Variants in YBEY observed in about 807,000 individuals in gnomAD.
YBEY encodes the protein endoribonuclease YbeY.
Under a neutral mutation model 13.5 loss-of-function variants are expected in YBEY, and 15 were observed. That is an observed-to-expected ratio of 1.11 (90% CI 0.75 to 1.72). The LOEUF is 1.72. Ranked by LOEUF, YBEY falls within the 40% of genes most tolerant of loss-of-function variation. The pLI is 0.00. For synonymous variants in YBEY, 101 were observed against 83.1 expected (o/e 1.21, Z -1.17); for missense variants, 244 against 208.4 (o/e 1.17, Z -1.05).
At chr21:46,292,758 G>A (rs1061068) in intron 3 of YBEY, among the ~76,000 whole-genome samples, 1 of 117,252 alleles carries the variant, frequency 8.5e-6, no homozygotes, top group African/African-American at 3.0e-5. Context: ...CCGTGCCCGG[G>A]ACTCAGTGGA....
At chr21:46,298,414 G>A (rs2082017534), downstream of YBEY, among the ~76,000 whole-genome samples, 1 of 142,598 alleles carries the variant, frequency 7.0e-6, no homozygotes, top group Admixed American at 7.4e-5. Flanking sequence ...AACAGAAAAT[G>A]GAGTCAGCTT....
Position 46,290,728 on chromosome 21 carries a change from A to G in YBEY, c.211-606A>G, listed in dbSNP as rs1234599818. Among the ~76,000 whole-genome samples, 4 of 150,362 alleles carry G rather than the reference A, an allele frequency of 2.7e-5. No individual in the cohort carries two copies. The South Asian group carries it at 8.4e-4, about 32-fold the overall frequency. On this transcript the variant is annotated intron_variant, in intron 2 of 4. Coordinates refer to ENST00000397701, the MANE Select transcript of YBEY (RefSeq NM_001314025.2). ...GTTCGAGACCAGCCTGACCCATATG[A>G]TGAAACCCCATCTCTACTAAAAAAT...
chr21:46,296,469 C>G (rs965847833), intron 4 of YBEY, among the ~76,000 whole-genome samples: 2 of 152,244 alleles, frequency 1.3e-5, no homozygotes, highest in Non-Finnish European at 2.9e-5. Context: ...ACAGCTGACA[C>G]TAGCACGTGG....
At chr21:46,297,898 C>T (rs1601608386), downstream of YBEY, 11 of 711,746 alleles carry the variant, frequency 1.5e-5, no homozygotes, top group Admixed American at 9.2e-5. Flanking sequence ...GGTCCCTGCC[C>T]GGAGCCTGCG....
intron 2 of YBEY, among the ~76,000 whole-genome samples, chr21:46,288,226 T>C (rs1293832540): frequency 6.6e-6 from 1 of 152,168 alleles, no homozygotes; most frequent in Admixed American, 6.5e-5. Flanking sequence ...CTCAATGTAA[T>C]AGCAGTCAGG....
At chr21:46,304,541 A>C in the YBEY span, among the ~76,000 whole-genome samples, 1 of 151,412 alleles carries the variant, frequency 6.6e-6, no homozygotes, top group East Asian at 2.0e-4. Context: ...ATATATGAAA[A>C]AGTGAAATGC....
At chr21:46,301,976 G>T, downstream of YBEY, 5 of 1,500,668 alleles carry the variant, frequency 3.3e-6, no homozygotes, top group Non-Finnish European at 4.4e-6. Flanking sequence ...GGGTGCCCCG[G>T]CCAGGGTCTC....
At chr21:46,298,386 C>G (rs1318348936), downstream of YBEY, among the ~76,000 whole-genome samples, 1 of 151,064 alleles carries the variant, frequency 6.6e-6, no homozygotes, top group African/African-American at 2.4e-5. Context: ...AGCTTCATGT[C>G]GAAAAAGTAC....
downstream of YBEY, among the ~76,000 whole-genome samples, chr21:46,298,434 C>CTTTTTTTTTTTTTTGTTTTTTTT (rs557264546): frequency 2.1e-5 from 2 of 97,160 alleles, 1 homozygote; most frequent in Non-Finnish European, 4.3e-5. Flanking sequence ...TTAATCCAAG[C>CTTTTTTTTTTTTTTGTTTTTTTT]TTTTTTTTTT....
the YBEY span, among the ~76,000 whole-genome samples, chr21:46,303,945 G>A: frequency 7.0e-6 from 1 of 143,728 alleles, no homozygotes; most frequent in Non-Finnish European, 1.5e-5. Context: ...TAGAGATGGG[G>A]TTTCACCGTG....
chr21:46,290,406 A>G (rs1363701471), intron 2 of YBEY, among the ~76,000 whole-genome samples: 2 of 151,880 alleles, frequency 1.3e-5, no homozygotes, highest in African/African-American at 2.4e-5. Context: ...GGGTTTCACC[A>G]TGTTGGTCAG....
chr21:46,307,145 T>C, the YBEY span, among the ~76,000 whole-genome samples: 1 of 146,812 alleles, frequency 6.8e-6, no homozygotes, highest in African/African-American at 2.5e-5. Flanking sequence ...ATCCAGCCTC[T>C]TTAGCCTCCC....
In YBEY at chr21:46,297,613, G is replaced by T; in HGVS notation, c.483G>T (p.Arg161=). The part of the protein sequence containing the change: ...RTGTRLQPLT[R]GLFGGS The stretch of plus-strand genomic sequence containing the variant: ...GGACCCGGCTGCAGCCCCTGACCCG[G>T]GGCCTCTTCGGAGGGAGCTGAGGGC... Residue 161 remains arginine, a synonymous_variant, in exon 5 of 5, where the codon CGG becomes CGT. Coordinates refer to ENST00000397701, the MANE Select transcript of YBEY (RefSeq NM_001314025.2). 7.3e-7 allele frequency: 1 copy of T among 1,361,304 alleles called. No individual in the cohort carries two copies. The highest frequency in any genetic ancestry group is 9.6e-7 in the Non-Finnish European group (1 of 1,042,594). 84.3% of individuals were successfully genotyped at this position (1,361,304 alleles called of 1,614,324 possible).
the YBEY span, chr21:46,312,912 C>A: frequency 1.3e-6 from 1 of 791,364 alleles, no homozygotes; most frequent in Non-Finnish European, 1.5e-6. Context: ...TAGAACACGT[C>A]ATGAAAATGA....
downstream of YBEY, chr21:46,301,391 C>G: frequency 1.3e-6 from 1 of 764,328 alleles, no homozygotes; most frequent in South Asian, 5.9e-5. Context: ...AAGTGATCCT[C>G]CTGCCTCAGC....
At chr21:46,296,454 G>A (rs2145839314) in intron 4 of YBEY, among the ~76,000 whole-genome samples, 1 of 152,346 alleles carries the variant, frequency 6.6e-6, no homozygotes, top group Non-Finnish European at 1.5e-5. Flanking sequence ...CAGAGGCCGA[G>A]AGCCACAGCT....
chr21:46,297,772 G>A (rs2839207), downstream of YBEY: 840,497 of 1,236,250 alleles, frequency 0.68, 290,515 homozygotes, highest in Non-Finnish European at 0.71. Flanking sequence ...GGTATTTTTC[G>A]TTATTGTAAA....
chr21:46,301,833 A>G, downstream of YBEY: 1 of 1,266,814 alleles, frequency 7.9e-7, no homozygotes, highest in South Asian at 3.1e-5. Flanking sequence ...CCAGAAAGCG[A>G]GCCTGCCCAG....
At chr21:46,304,309 C>T in the YBEY span, among the ~76,000 whole-genome samples, 1 of 151,948 alleles carries the variant, frequency 6.6e-6, no homozygotes, top group Non-Finnish European at 1.5e-5. Flanking sequence ...GGATTACAGG[C>T]GTGAGCCACT....
Sources: gnomAD v4.1 joint callset for allele counts (sites outside exome capture counted in the v4.1 genomes callset) on GRCh38, gnomAD v4.1.1 for gene constraint, MANE v1.5 for transcripts, NCBI Gene and HGNC (gene_info 2026-07-23, HGNC 2026-07-21) for gene names.